PCDHGA9: variants seen among roughly 807,000 people sequenced by gnomAD.
The protein encoded by PCDHGA9 is protocadherin gamma subfamily A, 9.
In PCDHGA9, 37 loss-of-function variants were observed where a neutral mutation model predicts 62.5. That is an observed-to-expected ratio of 0.59 (90% confidence interval 0.46 to 0.78). PCDHGA9 has a LOEUF of 0.78. Among genes scored for constraint, PCDHGA9 ranks in the 30% least tolerant of loss-of-function variants. The pLI is 0.00. For synonymous variants in PCDHGA9, 459 were observed against 484.6 expected (o/e 0.95, Z 0.69); for missense variants, 1,138 against 1,166.2 (o/e 0.98, Z 0.35).
At position 141,486,004 on chromosome 5, in the gene PCDHGA9, C is replaced by T; in HGVS notation, c.2425-8803C>T. The T allele has an allele frequency of 6.2e-7, 1 of 1,614,184 alleles. No homozygotes were observed. The highest frequency in any genetic ancestry group is 8.5e-7 in the Non-Finnish European group (1 of 1,180,008). The stretch of plus-strand genomic sequence containing the variant: ...CGGACCTGGGTCCCAGTGGTAACGT[C>T]ACCTTTTATTTCAGTGGTCATACCC... On this transcript the variant is annotated intron_variant, in intron 1 of 3. Coordinates refer to ENST00000573521, the MANE Select transcript of PCDHGA9 (RefSeq NM_018921.3). This position sits in a 1 kb window ranked among gnomAD's most constrained non-coding sequence, Gnocchi z 5.0.
chr5:141,487,533 T>C lies in PCDHGA9; in HGVS notation c.2425-7274T>C. On this transcript the variant is annotated intron_variant, in intron 1 of 3. Coordinates refer to ENST00000573521, the MANE Select transcript of PCDHGA9 (RefSeq NM_018921.3). This position sits in a 1 kb window ranked among gnomAD's most constrained non-coding sequence, Gnocchi z 5.0. The stretch of plus-strand genomic sequence containing the variant: ...CCCACTCGGAGTGATAGCTTCATGA[T>C]GGTGAAGTCACCCAGTGCACCTATG... 6.2e-7 allele frequency: 1 copy of C among 1,614,186 alleles called. No individual in the cohort carries two copies. Among genetic ancestry groups the C allele is most frequent in the South Asian group, 1.1e-5 (1 of 91,080 alleles).
At position 141,413,701 on chromosome 5, in the gene PCDHGA9, C is replaced by T. The variant is rs764950275; in HGVS notation, c.2424+8325C>T. 1.1e-4 allele frequency: 177 copies of T among 1,613,654 alleles called. No individual in the cohort carries two copies. The Admixed American group carries it at 2.9e-3, about 27-fold the overall frequency. On this transcript the variant is annotated intron_variant, in intron 1 of 3. Coordinates refer to ENST00000573521, the MANE Select transcript of PCDHGA9 (RefSeq NM_018921.3). ...CGTGAACTCCCTGCAGAGCTATCAG[C>T]TCAGCCCCAATAAGCACTTCTCCCT...
chr5:141,418,862 G>C (rs749632113), intron 1 of PCDHGA9: 1 of 1,613,994 alleles, frequency 6.2e-7, no homozygotes, highest in Non-Finnish European at 8.5e-7. Context: ...TAAAGTAATT[G>C]TAGAAGTTGT....
Position 141,501,940 on chromosome 5 carries a change from C to T in PCDHGA9, c.2484-3453C>T, listed in dbSNP as rs565207980. Among the ~76,000 whole-genome samples the T allele has an allele frequency of 2.6e-5, 4 of 152,250 alleles. No individual in the cohort carries two copies. In the East Asian group the frequency reaches 7.7e-4, roughly 29 times the overall value. On this transcript the variant is annotated intron_variant, in intron 2 of 3. Transcript: ENST00000573521. ...CAGCTTTGTTCCCTCAACACCACTG[C>T]TCCCTGTGACAGGTCATCCTCCTAA...
intron 1 of PCDHGA9, chr5:141,422,942 G>C (rs199976232): frequency 6.2e-7 from 1 of 1,614,214 alleles, no homozygotes; most frequent in East Asian, 2.2e-5. Flanking sequence ...CCCACAGACG[G>C]CTCCACTGGC....
intron 3 of PCDHGA9, among the ~76,000 whole-genome samples, chr5:141,510,424 C>T (rs2154594619): frequency 6.6e-6 from 1 of 152,236 alleles, no homozygotes; most frequent in South Asian, 2.1e-4. Flanking sequence ...GCCATGGTTT[C>T]ATGGCTGCTG....
intron 1 of PCDHGA9, among the ~76,000 whole-genome samples, chr5:141,472,402 G>T (rs569497172): frequency 6.6e-6 from 1 of 152,042 alleles, no homozygotes; most frequent in Non-Finnish European, 1.5e-5. Context: ...TTAGCCAGGC[G>T]TGGTGGCACG....
In PCDHGA9 at chr5:141,402,971, T is replaced by A. The variant is rs1589470573; in HGVS notation, c.19T>A (p.Cys7Ser). Residue 7 changes from cysteine to serine, a missense_variant, in exon 1 of 4, where the codon TGC becomes AGC. Physicochemically the swap from Cys to Ser is moderately radical, Grantham distance 112. Transcript: ENST00000573521. ...GGCAGCAATGGCAGCTCCAACCAAA[T>A]GCCAGCTCCGCGGAAGATTAGTCCT... MAAPTK[C>S]QLRGRLVLLC... 1 of 1,608,252 alleles carries A rather than the reference T, an allele frequency of 6.2e-7. No individual in the cohort carries two copies. The highest frequency in any genetic ancestry group is 2.2e-5 in the East Asian group (1 of 44,774).
intron 1 of PCDHGA9, among the ~76,000 whole-genome samples, chr5:141,470,997 A>G (rs905897657): frequency 3.8e-4 from 57 of 150,462 alleles, no homozygotes; most frequent in African/African-American, 1.3e-3. Flanking sequence ...GACTACAGGC[A>G]TGAGCCACTG....
intron 2 of PCDHGA9, 141 bp downstream of exon 2, chr5:141,495,006 G>A (rs1030195663): frequency 1.3e-6 from 2 of 1,521,564 alleles, no homozygotes; most frequent in Non-Finnish European, 1.8e-6. Flanking sequence ...CTTGGTGTGC[G>A]GGGGGCTGGC....
chr5:141,408,903 A>C, intron 1 of PCDHGA9: 1 of 1,613,512 alleles, frequency 6.2e-7, no homozygotes, highest in Non-Finnish European at 8.5e-7. Context: ...TCTGTCAAGG[A>C]TACCAATGAT....
chr5:141,441,923 C>A, intron 1 of PCDHGA9: 2 of 351,136 alleles, frequency 5.7e-6, no homozygotes, highest in Non-Finnish European at 5.5e-6. Context: ...AGACACAATG[C>A]GTGGCTGTCC....
Position 141,432,442 on chromosome 5 carries a change from G to A in PCDHGA9, c.2424+27066G>A. 1 of 1,614,228 alleles carries A rather than the reference G, an allele frequency of 6.2e-7. No individual in the cohort carries two copies. Among genetic ancestry groups the A allele is most frequent in the Non-Finnish European group, 8.5e-7 (1 of 1,180,042 alleles). On this transcript the variant is annotated intron_variant, in intron 1 of 3. Transcript: ENST00000573521. The surrounding 1 kb of genome is among the most constrained non-coding windows in gnomAD (Gnocchi z 6.0). ...TGGACCAGAACGACAATGCGCCCGA[G>A]ATCCTGTACCCCGCCCTCCCCACGG...
chr5:141,413,652 G>T, intron 1 of PCDHGA9: 4 of 1,613,780 alleles, frequency 2.5e-6, no homozygotes, highest in Non-Finnish European at 3.4e-6. Context: ...TTCCTCTCCC[G>T]GAAGCTATTG....
chr5:141,472,980 C>CAAAAAAAAAAAAAAA (rs60579131), intron 1 of PCDHGA9, among the ~76,000 whole-genome samples: 13 of 86,076 alleles, frequency 1.5e-4, no homozygotes, highest in African/African-American at 1.9e-4. Context: ...GAGTGAAACT[C>CAAAAAAAAAAAAAAA]AAAAAAAAAA....
chr5:141,420,673 A>T (rs1244699899), intron 1 of PCDHGA9, among the ~76,000 whole-genome samples: 5 of 152,208 alleles, frequency 3.3e-5, no homozygotes, highest in Admixed American at 3.3e-4. Flanking sequence ...CTACCTGATG[A>T]TTTTATCGGG....
Position 141,491,620 on chromosome 5 carries a change from A to C in PCDHGA9, c.2425-3187A>C. On this transcript the variant is annotated intron_variant, in intron 1 of 3. Coordinates refer to ENST00000573521, the MANE Select transcript of PCDHGA9 (RefSeq NM_018921.3). This position sits in a 1 kb window ranked among gnomAD's most constrained non-coding sequence, Gnocchi z 6.9. ...TGACTTCACTTTTCTAAGACCCCTC[A>C]GCGTTCAGCAGCCCACAGCTCTGGC... is the stretch of plus-strand genomic sequence containing the variant. 6.2e-7 allele frequency: 1 copy of C among 1,613,906 alleles called. No individual in the cohort carries two copies. The highest frequency in any genetic ancestry group is 1.1e-5 in the South Asian group (1 of 91,084).
In PCDHGA9 at chr5:141,476,606, G is replaced by A; in HGVS notation, c.2425-18201G>A. 1 of 1,614,244 alleles carries A rather than the reference G, an allele frequency of 6.2e-7. No homozygotes were observed. Among genetic ancestry groups the A allele is most frequent in the Non-Finnish European group, 8.5e-7 (1 of 1,180,046 alleles). Reference sequence around the variant, plus strand: ...GCTCGAGAGCGCGCACGATCCCGATGTGGGAAGCAACTCTTTACAAACCTA... The same window carrying A: ...GCTCGAGAGCGCGCACGATCCCGATATGGGAAGCAACTCTTTACAAACCTA... On this transcript the variant is annotated intron_variant, in intron 1 of 3. Transcript: ENST00000573521. The surrounding 1 kb of genome is among the most constrained non-coding windows in gnomAD (Gnocchi z 7.6).
At position 141,477,197 on chromosome 5, in the gene PCDHGA9, G is replaced by A. The variant is rs781504885; in HGVS notation, c.2425-17610G>A. ...CACAGTCACCTCCGTGTACAGCCCA[G>A]TACCCGAGGATGCCCCTCTGGGGAC... On this transcript the variant is annotated intron_variant, in intron 1 of 3. Coordinates refer to ENST00000573521, the MANE Select transcript of PCDHGA9 (RefSeq NM_018921.3). The surrounding 1 kb of genome is among the most constrained non-coding windows in gnomAD (Gnocchi z 4.9). 1 of 1,614,210 alleles carries A rather than the reference G, an allele frequency of 6.2e-7. No homozygotes were observed. Among genetic ancestry groups the A allele is most frequent in the East Asian group, 2.2e-5 (1 of 44,874 alleles).
Sources: gnomAD v4.1 joint callset for allele counts (sites outside exome capture counted in the v4.1 genomes callset) on GRCh38, gnomAD v4.1.1 for gene constraint, Gnocchi (gnomAD v3.1) non-coding constraint, MANE v1.5 for transcripts, NCBI Gene and HGNC (gene_info 2026-07-23, HGNC 2026-07-21) for gene names.